The following CLTC variants were observed in gnomAD, a reference collection of about 807,000 sequenced individuals.
The protein encoded by CLTC is clathrin heavy chain 1.
A neutral mutation model predicts 195.8 loss-of-function variants in CLTC; 16 were observed. The ratio of observed to expected loss-of-function variants is 0.08; its 90% CI spans 0.06 to 0.12. The LOEUF is 0.12. Among genes scored for constraint, CLTC ranks in the 10% least tolerant of loss-of-function variants. The pLI is 1.00. For missense variants in CLTC, 796 were observed against 2,027.0 expected (o/e 0.39, Z 11.66); for synonymous variants, 667 against 689.4 (o/e 0.97, Z 0.51).
Position 59,696,086 on chromosome 17 carries a change from A to C in CLTC, c.*2234A>C, listed in dbSNP as rs1392602850. 4.7e-6 allele frequency: 1 copy of C among 213,160 alleles called. No homozygotes were observed. Among genetic ancestry groups the C allele is most frequent in the African/African-American group, 2.3e-5 (1 of 44,210 alleles). 13.2% of individuals were successfully genotyped at this position (213,160 alleles called of 1,614,324 possible). On this transcript the variant is annotated 3_prime_UTR_variant, in exon 32 of 32. Transcript: ENST00000269122. ...TGCCACTACCTTTGAATTTGGAGCCATCAGTCTATCTGAGGCAAACCTCAG... is the reference window on the plus strand; with the variant it reads ...TGCCACTACCTTTGAATTTGGAGCCCTCAGTCTATCTGAGGCAAACCTCAG...
chr17:59,620,100 G>A lies in CLTC; in HGVS notation c.-32G>A. ...GCAGCCACTGCCCCGCAGCCCCAGTGACAGGAGGAGACCATAACCCCCGAC... is the reference window on the plus strand; with the variant it reads ...GCAGCCACTGCCCCGCAGCCCCAGTAACAGGAGGAGACCATAACCCCCGAC... On this transcript the variant is annotated 5_prime_UTR_variant, in exon 1 of 32. Coordinates refer to ENST00000269122, the MANE Select transcript of CLTC (RefSeq NM_004859.4). 1.2e-6 allele frequency: 2 copies of A among 1,613,734 alleles called. No individual in the cohort carries two copies. Among genetic ancestry groups the A allele is most frequent in the Non-Finnish European group, 1.7e-6 (2 of 1,179,706 alleles).
At chr17:59,653,070 C>T (rs188576916) in intron 5 of CLTC, among the ~76,000 whole-genome samples, 25 of 152,262 alleles carry the variant, frequency 1.6e-4, no homozygotes, top group Non-Finnish European at 3.2e-4. Flanking sequence ...TCTCACCTCT[C>T]TGAGCCTTCA....
At chr17:59,656,666 A>ATTTTTTTTTTT (rs55669818) in intron 6 of CLTC, among the ~76,000 whole-genome samples, 5 of 96,220 alleles carry the variant, frequency 5.2e-5, no homozygotes, top group Non-Finnish European at 8.6e-5. Context: ...TATTATTTTA[A>ATTTTTTTTTTT]TTTTTTTTTT....
chr17:59,689,973 G>A (rs1191438190), intron 30 of CLTC: 1 of 152,178 alleles, frequency 6.6e-6, no homozygotes, highest in East Asian at 1.9e-4. Context: ...TTGAAGAGTA[G>A]CTAGCATATA....
chr17:59,647,760 C>A, intron 3 of CLTC, 94 bp downstream of exon 3: 1 of 1,106,804 alleles, frequency 9.0e-7, no homozygotes, highest in South Asian at 1.5e-5. Flanking sequence ...TTTCTATACT[C>A]AATCCTGTTG....
At chr17:59,632,225 G>A (rs61622369) in intron 1 of CLTC, among the ~76,000 whole-genome samples, 85,621 of 151,232 alleles carry the variant, frequency 0.57, 27,898 homozygotes, top group Non-Finnish European at 0.74. Context: ...AAAATTAGCT[G>A]GGCGCGGTGG....
intron 13 of CLTC, among the ~76,000 whole-genome samples, chr17:59,667,922 T>C (rs1230307191): frequency 6.6e-6 from 1 of 152,234 alleles, no homozygotes; most frequent in African/African-American, 2.4e-5. Context: ...CTAGTAGTTT[T>C]CTTAATTTTT....
In CLTC at chr17:59,682,927, T is replaced by C. The variant is rs2033109317; in HGVS notation, c.3786T>C (p.Asp1262=). The C allele has an allele frequency of 8.1e-6, 13 of 1,614,046 alleles. No homozygotes were observed. The highest frequency in any genetic ancestry group is 1.1e-5 in the South Asian group (1 of 91,080). Residue 1262 remains aspartate (D), a synonymous_variant, in exon 24 of 32, where the codon GAT becomes GAC. Coordinates refer to ENST00000269122, the MANE Select transcript of CLTC (RefSeq NM_004859.4). This position sits in a 1 kb window ranked among gnomAD's most constrained non-coding sequence, Gnocchi z 6.8. ...TWKEVCFACV[D]GKEFRLAQMC... ...TCTAGGTCTGCTTCGCCTGTGTAGA[T>C]GGGAAAGAATTCCGTCTTGCTCAGA...
At chr17:59,646,804 CCT>C (rs2032207311) in intron 2 of CLTC, among the ~76,000 whole-genome samples, 1 of 152,104 alleles carries the variant, frequency 6.6e-6, no homozygotes, top group Admixed American at 6.5e-5. Context: ...CCTTTGTCTC[CCT>C]CTCCTTTCCT....
intron 2 of CLTC, 65 bp downstream of exon 2, chr17:59,644,548 TTG>T: frequency 3.2e-6 from 4 of 1,240,776 alleles, no homozygotes; most frequent in Admixed American, 2.1e-5. Context: ...TGTTTTTTTT[TTG>T]TTTGTTTGTT....
intron 2 of CLTC, among the ~76,000 whole-genome samples, chr17:59,646,671 G>A (rs2032203494): frequency 6.6e-6 from 1 of 152,146 alleles, no homozygotes; most frequent in Non-Finnish European, 1.5e-5. Context: ...CTGACTCAGT[G>A]GACTCTTAAC....
intron 17 of CLTC, 119 bp from the exon 18 acceptor site, chr17:59,679,278 G>A (rs1391077978): frequency 1.3e-6 from 1 of 777,660 alleles, no homozygotes; most frequent in Non-Finnish European, 1.9e-6. Flanking sequence ...TCCAAAACTA[G>A]ATCCAATATC....
intron 5 of CLTC, among the ~76,000 whole-genome samples, chr17:59,651,589 G>A (rs2032328629): frequency 6.6e-6 from 1 of 152,272 alleles, no homozygotes; most frequent in African/African-American, 2.4e-5. Flanking sequence ...GCAGATCAAA[G>A]TTACACTTAA....
Position 59,683,890 on chromosome 17 carries a change from C to T in CLTC, c.4339C>T (p.Leu1447=). Residue 1447 remains leucine (L), a synonymous_variant, in exon 28 of 32, where the codon CTG becomes TTG. Transcript: ENST00000269122. This position sits in a 1 kb window ranked among gnomAD's most constrained non-coding sequence, Gnocchi z 6.1. ...NYFSKVKQLP[L]VKPYLRSVQN... ...TATTTTAAAGGTTAAACAGCTACCA[C>T]TGGTGAAACCGTATTTGCGTTCAGT... 3 of 1,613,546 alleles carry T rather than the reference C, an allele frequency of 1.9e-6. No individual in the cohort carries two copies. The highest frequency in any genetic ancestry group is 2.5e-6 in the Non-Finnish European group (3 of 1,179,494).
chr17:59,632,229 G>A (rs1283624094), intron 1 of CLTC, among the ~76,000 whole-genome samples: 2 of 151,862 alleles, frequency 1.3e-5, no homozygotes, highest in Non-Finnish European at 2.9e-5. Flanking sequence ...TTAGCTGGGC[G>A]CGGTGGCGGG....
chr17:59,679,643 A>C, intron 18 of CLTC, 124 bp downstream of exon 18: 1 of 773,476 alleles, frequency 1.3e-6, no homozygotes, highest in Non-Finnish European at 1.8e-6. Context: ...AAGCAATACA[A>C]AGTAGAAGAA....
At position 59,624,468 on chromosome 17, in the gene CLTC, T is replaced by G. The variant is rs540847240; in HGVS notation, c.42+4295T>G. Among the ~76,000 whole-genome samples the G allele has an allele frequency of 4.4e-3, 634 of 144,958 alleles. 5 individuals carry two copies. Among genetic ancestry groups the G allele is most frequent in the Middle Eastern group, 0.014 (4 of 288 alleles). On this transcript the variant is annotated intron_variant, in intron 1 of 31. Coordinates refer to ENST00000269122, the MANE Select transcript of CLTC (RefSeq NM_004859.4). ...TGAGCCACATACTTTTTTTTTTTTTTTTTTTTTTTTTGAGACAGAGTCTCA... is the reference window on the plus strand; with the variant it reads ...TGAGCCACATACTTTTTTTTTTTTTGTTTTTTTTTTTGAGACAGAGTCTCA...
chr17:59,684,179 G>C, intron 28 of CLTC, 194 bp downstream of exon 28: 1 of 527,446 alleles, frequency 1.9e-6, no homozygotes, highest in Non-Finnish European at 3.4e-6. Flanking sequence ...CTCAGATCTT[G>C]TATAAGATAC....
At chr17:59,638,612 A>G (rs2031939420) in intron 1 of CLTC, among the ~76,000 whole-genome samples, 4 of 152,124 alleles carry the variant, frequency 2.6e-5, no homozygotes, top group Admixed American at 2.6e-4. Context: ...TCAGATCACA[A>G]GGCATTCGTT....
Sources: allele counts gnomAD v4.1 joint callset (sites outside exome capture counted in the v4.1 genomes callset), GRCh38; gene constraint gnomAD v4.1.1; non-coding constraint Gnocchi (gnomAD v3.1); transcripts MANE v1.5; gene names NCBI Gene and HGNC (gene_info 2026-07-23, HGNC 2026-07-21).